The following LARP6 variants were observed in gnomAD, a reference collection of about 807,000 sequenced individuals.
LARP6 encodes the protein La ribonucleoprotein 6, translational regulator, also known as la-related protein 6.
A neutral mutation model predicts 32.8 loss-of-function variants in LARP6; 18 were observed. The ratio of observed to expected loss-of-function variants is 0.55; its 90% CI spans 0.38 to 0.81. The LOEUF (loss-of-function observed/expected upper bound fraction) is 0.81, where lower values mean the gene tolerates loss of function less well. LARP6 is among the 40% of genes least tolerant of loss of function. LARP6 has a pLI of 0.00. For synonymous variants in LARP6, 289 were observed against 267.2 expected (o/e 1.08, Z -0.80); for missense variants, 598 against 663.1 (o/e 0.90, Z 1.08).
At chr15:70,840,422 C>T (rs1341036184) in intron 1 of LARP6, among the ~76,000 whole-genome samples, 1 of 152,116 alleles carries the variant, frequency 6.6e-6, no homozygotes, top group African/African-American at 2.4e-5. Flanking sequence ...AGCCTGTAAT[C>T]CCAGCTACTC....
At chr15:70,848,275 C>T (rs1354899278) in intron 1 of LARP6, among the ~76,000 whole-genome samples, 1 of 152,158 alleles carries the variant, frequency 6.6e-6, no homozygotes, top group African/African-American at 2.4e-5. Flanking sequence ...TCCTCTCTGA[C>T]CCTGTCTTCT....
chr15:70,847,573 A>T (rs551148269), intron 1 of LARP6, among the ~76,000 whole-genome samples: 4 of 151,920 alleles, frequency 2.6e-5, no homozygotes, highest in Admixed American at 1.3e-4. Context: ...GTTTCATCGT[A>T]TTGGCCAGGC....
chr15:70,835,069 T>C (rs543436585), intron 2 of LARP6, among the ~76,000 whole-genome samples: 7 of 152,204 alleles, frequency 4.6e-5, no homozygotes, highest in Non-Finnish European at 8.8e-5. Context: ...TGCTGGATGA[T>C]TCCACTGGCT....
intron 1 of LARP6, among the ~76,000 whole-genome samples, chr15:70,850,527 T>A (rs977509775): frequency 1.3e-5 from 2 of 152,208 alleles, no homozygotes; most frequent in African/African-American, 2.4e-5. Flanking sequence ...CTGGGATGCA[T>A]GCATGGATCT....
rs1446935375 is a variant in LARP6 at position 70,851,546 on chromosome 15, G to A, written c.200+2343C>T. 3.3e-5 allele frequency: 50 copies of A among 1,533,048 alleles called. No individual in the cohort carries two copies. In the South Asian group the frequency reaches 6.0e-4, roughly 18 times the overall value. 95.0% of individuals were successfully genotyped at this position (1,533,048 alleles called of 1,614,324 possible). ...ATAAGATAAGGCAGCTGCCTTCAAGGATCTCACTGTCTAGGGAAGGGGAAA... is the reference window on the plus strand; with the variant it reads ...ATAAGATAAGGCAGCTGCCTTCAAGAATCTCACTGTCTAGGGAAGGGGAAA... On this transcript the variant is annotated intron_variant, in intron 1 of 2. Transcript: ENST00000299213.
At chr15:70,845,499 G>A (rs1267478596) in intron 1 of LARP6, among the ~76,000 whole-genome samples, 2 of 152,162 alleles carry the variant, frequency 1.3e-5, no homozygotes, top group African/African-American at 4.8e-5. Flanking sequence ...TCCTATCAGG[G>A]TAGATGCTAT....
chr15:70,848,057 T>C (rs985139859), intron 1 of LARP6, among the ~76,000 whole-genome samples: 1 of 152,202 alleles, frequency 6.6e-6, no homozygotes, highest in East Asian at 1.9e-4. Flanking sequence ...AAAGGGCAAA[T>C]TGATAATGCA....
intron 1 of LARP6, among the ~76,000 whole-genome samples, chr15:70,839,432 T>A (rs566557810): frequency 1.9e-5 from 2 of 102,878 alleles, no homozygotes; most frequent in Non-Finnish European, 4.3e-5. Flanking sequence ...AGAGTGAGAC[T>A]GTCTCAAAAA....
Position 70,832,287 on chromosome 15 carries a change from C to A in LARP6, c.1241G>T (p.Arg414Leu), listed in dbSNP as rs754534647. ...GTCAGAGGAATAATCCATACACTTG[C>A]GGAAGATCTCAGGGCTGGTGCTGCA... ...LNCSTSPEIF[R>L]KCMDYSSDSS... is the part of the protein sequence containing the mutation. The change falls in exon 3 of 3, where the codon CGC (arginine) becomes CTC (leucine). Residue 414 changes from arginine to leucine, a missense_variant. Coordinates refer to ENST00000299213, the MANE Select transcript of LARP6 (RefSeq NM_018357.4). 6.2e-7 allele frequency: 1 copy of A among 1,614,238 alleles called. No individual in the cohort carries two copies. Among genetic ancestry groups the A allele is most frequent in the Non-Finnish European group, 8.5e-7 (1 of 1,180,040 alleles).
At chr15:70,850,962 G>A (rs1595956833) in intron 1 of LARP6, among the ~76,000 whole-genome samples, 1 of 152,170 alleles carries the variant, frequency 6.6e-6, no homozygotes, top group East Asian at 1.9e-4. Context: ...AGAGTCTAGA[G>A]ACATAAGAAG....
At chr15:70,845,202 T>G (rs879547621) in intron 1 of LARP6, among the ~76,000 whole-genome samples, 8 of 152,206 alleles carry the variant, frequency 5.3e-5, no homozygotes, top group Non-Finnish European at 7.3e-5. Context: ...GTCCATATTT[T>G]ATTCAGATTT....
chr15:70,838,529 G>T (rs760914024), intron 1 of LARP6, among the ~76,000 whole-genome samples: 1 of 152,118 alleles, frequency 6.6e-6, no homozygotes, highest in Non-Finnish European at 1.5e-5. Context: ...CCATCACGGG[G>T]TCTCTTCTTA....
At chr15:70,843,854 C>G (rs2032300977) in intron 1 of LARP6, among the ~76,000 whole-genome samples, 1 of 151,886 alleles carries the variant, frequency 6.6e-6, no homozygotes, top group South Asian at 2.1e-4. Flanking sequence ...CAGGGTTTCA[C>G]CGTGTTGCCC....
intron 1 of LARP6, among the ~76,000 whole-genome samples, chr15:70,846,035 T>C (rs538273743): frequency 1.1e-4 from 17 of 152,324 alleles, no homozygotes; most frequent in Admixed American, 4.6e-4. Context: ...GGCTAGGAAA[T>C]TGTTCTAAAG....
chr15:70,847,216 T>A (rs1052369359), intron 1 of LARP6, among the ~76,000 whole-genome samples: 2 of 152,220 alleles, frequency 1.3e-5, no homozygotes, highest in Admixed American at 6.5e-5. Context: ...GAAAAAGTTT[T>A]ACACTTAAGG....
intron 1 of LARP6, among the ~76,000 whole-genome samples, chr15:70,845,678 A>G (rs1487520359): frequency 1.3e-5 from 2 of 152,262 alleles, no homozygotes; most frequent in African/African-American, 2.4e-5. Context: ...GTTATACTCC[A>G]CAGCTATTCA....
chr15:70,846,010 A>C (rs1054646230), intron 1 of LARP6, among the ~76,000 whole-genome samples: 1 of 152,190 alleles, frequency 6.6e-6, no homozygotes, highest in Non-Finnish European at 1.5e-5. Context: ...GCTACTTTCC[A>C]CTGGCAGACA....
intron 1 of LARP6, among the ~76,000 whole-genome samples, chr15:70,839,367 G>T (rs1384628887): frequency 1.3e-5 from 2 of 151,814 alleles, no homozygotes; most frequent in Non-Finnish European, 2.9e-5. Context: ...TTGAACTTGG[G>T]AGGTGGAGGT....
rs2032564610 is a variant in LARP6, at chr15:70,853,885, C to A, written c.200+4G>T. 7.8e-7 allele frequency: 1 copy of A among 1,289,656 alleles called. No homozygotes were observed. 79.9% of individuals were successfully genotyped at this position (1,289,656 alleles called of 1,614,324 possible). ...CCACCTCCCGGGCCAGCCGCCGCGCCTACCTGTGCCCGCGGCTCGGCTCCT... is the reference window on the plus strand; with the variant it reads ...CCACCTCCCGGGCCAGCCGCCGCGCATACCTGTGCCCGCGGCTCGGCTCCT... On this transcript the variant is annotated splice_donor_region_variant and intron_variant, in intron 1 of 2. Transcript: ENST00000299213.
Sources: allele counts gnomAD v4.1 joint callset (sites outside exome capture counted in the v4.1 genomes callset), GRCh38; gene constraint gnomAD v4.1.1; transcripts MANE v1.5; gene names NCBI Gene and HGNC (gene_info 2026-07-23, HGNC 2026-07-21).